RUSC2: variants seen among roughly 807,000 people sequenced by gnomAD.
The protein encoded by RUSC2 is AP-4 complex accessory subunit RUSC2.
Under a neutral mutation model 122.2 loss-of-function variants are expected in RUSC2, and 34 were observed. That is an observed-to-expected ratio of 0.28 (90% CI 0.21 to 0.37). The LOEUF is 0.37. Among genes scored for constraint, RUSC2 ranks in the 10% least tolerant of loss-of-function variants. The pLI, the probability that RUSC2 is intolerant of heterozygous loss-of-function variation, is 1.00. For missense variants in RUSC2, 1,747 were observed against 1,952.4 expected (o/e 0.89, Z 1.98); for synonymous variants, 784 against 790.0 (o/e 0.99, Z 0.13).
intron 1 of RUSC2, among the ~76,000 whole-genome samples, chr9:35,528,666 C>T (rs1210407552): frequency 6.6e-6 from 1 of 152,130 alleles, no homozygotes; most frequent in Non-Finnish European, 1.5e-5. Flanking sequence ...GCCACCACAT[C>T]CAACTAATTT....
At position 35,548,040 on chromosome 9, in the gene RUSC2, C is replaced by T; in HGVS notation, c.1519C>T (p.Pro507Ser). ...CTATGATCGCAGCCTGCAGCGCAGC[C>T]CTCCTGTCCGCCTGGGCTCGCTGGA... is the stretch of plus-strand genomic sequence containing the variant. ...RSYDRSLQRS[P>S]PVRLGSLERM... Residue 507 changes from proline (P) to serine (S), a missense_variant, in exon 2 of 12, where the codon CCT becomes TCT. Pro to Ser is a moderately conservative substitution (Grantham distance 74). Transcript: ENST00000361226. This position sits in a 1 kb window ranked among gnomAD's most constrained non-coding sequence, Gnocchi z 4.5. 1.9e-6 allele frequency: 3 copies of T among 1,613,770 alleles called. No homozygotes were observed. Among genetic ancestry groups the T allele is most frequent in the East Asian group, 2.2e-5 (1 of 44,882 alleles).
chr9:35,549,078 G>A, intron 2 of RUSC2: 3 of 985,072 alleles, frequency 3.0e-6, no homozygotes, highest in Non-Finnish European at 3.6e-6. Context: ...AAATCAGCAG[G>A]ACTTAGAGGC....
intron 1 of RUSC2, among the ~76,000 whole-genome samples, chr9:35,517,007 T>A (rs1171087252): frequency 1.3e-5 from 2 of 152,220 alleles, no homozygotes; most frequent in African/African-American, 2.4e-5. Context: ...TAGTATCACT[T>A]CGTGATCCAT....
chr9:35,533,240 CTG>C (rs1241524499), intron 1 of RUSC2, among the ~76,000 whole-genome samples: 1 of 92,288 alleles, frequency 1.1e-5, no homozygotes, highest in Non-Finnish European at 2.9e-5. Flanking sequence ...GAGCGAGACT[CTG>C]TCTCAAAAAA....
At chr9:35,545,147 T>TTA (rs1205724244) in intron 1 of RUSC2, among the ~76,000 whole-genome samples, 2 of 152,244 alleles carry the variant, frequency 1.3e-5, no homozygotes, top group Non-Finnish European at 1.5e-5. Flanking sequence ...GCCTCAGACT[T>TTA]TACCACATTC....
At chr9:35,556,475 G>A in intron 5 of RUSC2, 27 bp downstream of exon 5, 2 of 1,608,002 alleles carry the variant, frequency 1.2e-6, no homozygotes, top group Non-Finnish European at 1.7e-6. Context: ...GCTCAGGCCA[G>A]GGACTCTGCT....
rs1307648347 is a variant in RUSC2, at chr9:35,560,709, A to G, written c.4069A>G (p.Arg1357Gly). ...SPPDSVLAEL[R>G]RSREREGPAA... ...CCCTGACTCTGTGCTGGCCGAGCTG[A>G]GGCGCAGTCGGGAGAGGGAAGGGCC... The change falls in exon 10 of 12, where the codon AGG becomes GGG. Residue 1357 changes from arginine (R) to glycine (G), a missense_variant. Physicochemically the swap from Arg to Gly is moderately radical, Grantham distance 125. Coordinates refer to ENST00000361226, the MANE Select transcript of RUSC2 (RefSeq NM_014806.5). 2.6e-6 allele frequency: 4 copies of G among 1,554,802 alleles called. No individual in the cohort carries two copies. The highest frequency in any genetic ancestry group is 4.6e-5 in the East Asian group (2 of 43,106).
At chr9:35,493,376 G>T (rs1432612422) in intron 1 of RUSC2, among the ~76,000 whole-genome samples, 1 of 152,024 alleles carries the variant, frequency 6.6e-6, no homozygotes, top group African/African-American at 2.4e-5. Flanking sequence ...TCTTTATCTG[G>T]TCTGTCATTG....
intron 1 of RUSC2, among the ~76,000 whole-genome samples, chr9:35,505,401 C>A (rs1820896041): frequency 6.6e-6 from 1 of 152,162 alleles, no homozygotes; most frequent in African/African-American, 2.4e-5. Flanking sequence ...TATTTCTACT[C>A]CTCCTCTAAC....
chr9:35,519,303 A>G (rs1821166727), intron 1 of RUSC2, among the ~76,000 whole-genome samples: 1 of 152,224 alleles, frequency 6.6e-6, no homozygotes, highest in Non-Finnish European at 1.5e-5. Flanking sequence ...CAGAGTTGCT[A>G]TTATTAACCC....
chr9:35,547,885 C>G lies in RUSC2; in HGVS notation c.1364C>G (p.Pro455Arg). ...YYLFQKPEVQ[P>R]EEQEAVSSST... ...CTATTCCAGAAGCCAGAAGTCCAGC[C>G]AGAGGAACAAGAAGCAGTGAGTTCC... Residue 455 changes from proline to arginine, a missense_variant, in exon 2 of 12, where the codon CCA becomes CGA. Pro to Arg is a moderately radical substitution (Grantham distance 103, BLOSUM62 -2). Coordinates refer to ENST00000361226, the MANE Select transcript of RUSC2 (RefSeq NM_014806.5). This position sits in a 1 kb window ranked among gnomAD's most constrained non-coding sequence, Gnocchi z 4.6. 6.2e-7 allele frequency: 1 copy of G among 1,614,234 alleles called. No individual in the cohort carries two copies. Among genetic ancestry groups the G allele is most frequent in the Non-Finnish European group, 8.5e-7 (1 of 1,180,048 alleles).
intron 1 of RUSC2, among the ~76,000 whole-genome samples, chr9:35,537,165 G>T (rs1309340222): frequency 1.3e-5 from 2 of 152,186 alleles, no homozygotes; most frequent in Non-Finnish European, 2.9e-5. Context: ...AGCACTAGAG[G>T]TCTGAGAGCT....
chr9:35,555,080 C>A lies in RUSC2; in HGVS notation c.2035C>A (p.Pro679Thr), dbSNP rs1406802824. ...TACAGGGGGTGGCACCGAGAGCCGA[C>A]CAGTCCTTCGCTACAGCAAGGAACA... is the stretch of plus-strand genomic sequence containing the variant. ...RADGGGTESRPVLRYSKEQRP... is the reference protein window; with the variant it reads ...RADGGGTESRTVLRYSKEQRP... The change falls in exon 3 of 12, where the codon CCA (proline) becomes ACA (threonine). Residue 679 changes from proline to threonine, a missense_variant. By Grantham distance (38) the Pro-to-Thr change is conservative (BLOSUM62 -1). Transcript: ENST00000361226. The surrounding 1 kb of genome is among the most constrained non-coding windows in gnomAD (Gnocchi z 4.6). 1 of 1,613,006 alleles carries A rather than the reference C, an allele frequency of 6.2e-7. No homozygotes were observed. The highest frequency in any genetic ancestry group is 1.1e-5 in the South Asian group (1 of 91,070).
chr9:35,492,935 CTT>C (rs1366605134), intron 1 of RUSC2, among the ~76,000 whole-genome samples: 2 of 151,910 alleles, frequency 1.3e-5, no homozygotes, highest in Admixed American at 6.6e-5. Context: ...CTATTTGTCT[CTT>C]TGTGACTGGT....
chr9:35,541,746 ACT>A (rs1390085095), intron 1 of RUSC2, among the ~76,000 whole-genome samples: 4 of 151,758 alleles, frequency 2.6e-5, no homozygotes, highest in Non-Finnish European at 5.9e-5. Context: ...TGCTAGGTCT[ACT>A]CTCATTATAT....
intron 8 of RUSC2, 111 bp from the exon 9 acceptor site, chr9:35,559,115 G>A: frequency 1.2e-6 from 1 of 849,676 alleles, no homozygotes; most frequent in South Asian, 1.4e-5. Flanking sequence ...AATGAATCGT[G>A]CCATGGAAGG....
chr9:35,532,561 A>AT (rs1462969226), intron 1 of RUSC2, among the ~76,000 whole-genome samples: 1 of 152,174 alleles, frequency 6.6e-6, no homozygotes, highest in Non-Finnish European at 1.5e-5. Flanking sequence ...CCTGGCCAAC[A>AT]TGGTGAAACC....
rs769280700 is a variant in RUSC2, at chr9:35,555,650, A to C, written c.2605A>C (p.Ser869Arg). 2 of 1,608,138 alleles carry C rather than the reference A, an allele frequency of 1.2e-6. No homozygotes were observed. The highest frequency in any genetic ancestry group is 1.3e-5 in the African/African-American group (1 of 74,822). The change falls in exon 3 of 12, where the codon AGC (serine) becomes CGC (arginine). Residue 869 changes from serine (S) to arginine (R), a missense_variant. By Grantham distance (110) the Ser-to-Arg change is moderately radical (BLOSUM62 -1). Coordinates refer to ENST00000361226, the MANE Select transcript of RUSC2 (RefSeq NM_014806.5). This position sits in a 1 kb window ranked among gnomAD's most constrained non-coding sequence, Gnocchi z 4.6. ...SWRSGLSRAE[S>R]LARGGGEGSM... ...GCGATCTGGCCTCAGCCGAGCAGAG[A>C]GCCTGGCCCGGGGAGGTGGTGAGGG...
chr9:35,546,754 C>T lies in RUSC2; in HGVS notation c.233C>T (p.Ala78Val). 1 of 1,587,702 alleles carries T rather than the reference C, an allele frequency of 6.3e-7. No homozygotes were observed. Among genetic ancestry groups the T allele is most frequent in the Non-Finnish European group, 8.6e-7 (1 of 1,167,852 alleles). The change falls in exon 2 of 12, where the codon GCA becomes GTA. Residue 78 changes from alanine to valine, a missense_variant. Physicochemically the swap from Ala to Val is moderately conservative, Grantham distance 64. Coordinates refer to ENST00000361226, the MANE Select transcript of RUSC2 (RefSeq NM_014806.5). The surrounding 1 kb of genome is among the most constrained non-coding windows in gnomAD (Gnocchi z 4.3). ...SSLHSTPGGT[A>V]RSIDSTKSRS... ...CTGCACTCTACTCCAGGAGGAACTG[C>T]ACGGTCTATAGACAGCACCAAGAGT...
Sources: gnomAD v4.1 joint callset for allele counts (sites outside exome capture counted in the v4.1 genomes callset) on GRCh38, gnomAD v4.1.1 for gene constraint, Gnocchi (gnomAD v3.1) non-coding constraint, MANE v1.5 for transcripts, NCBI Gene and HGNC (gene_info 2026-07-23, HGNC 2026-07-21) for gene names.